RPS27A: variants seen among roughly 807,000 people sequenced by gnomAD.
RPS27A encodes ribosomal protein S27a.
Under a neutral mutation model 18.9 loss-of-function variants are expected in RPS27A, and 1 was observed. That is an observed-to-expected ratio of 0.05 (90% CI 0.02 to 0.25). The LOEUF (loss-of-function observed/expected upper bound fraction) is 0.25, where lower values mean the gene tolerates loss of function less well. RPS27A is among the 10% of genes least tolerant of loss of function. RPS27A has a pLI of 1.00. For missense variants in RPS27A, 123 were observed against 187.4 expected (o/e 0.66, Z 2.01); for synonymous variants, 77 against 63.7 (o/e 1.21, Z -0.99).
chr2:55,234,224 A>G lies in RPS27A; in HGVS notation c.189+20A>G. The G allele has an allele frequency of 6.6e-7, 1 of 1,514,944 alleles. No homozygotes were observed. The highest frequency in any genetic ancestry group is 9.2e-7 in the Non-Finnish European group (1 of 1,089,886). 93.8% of individuals were successfully genotyped at this position (1,514,944 alleles called of 1,614,324 possible). On this transcript the variant is annotated intron_variant, in intron 4 of 5. Coordinates refer to ENST00000272317, the MANE Select transcript of RPS27A (RefSeq NM_002954.6). ...CAAAAGGTCTGTCTAGGGGAAGAGC[A>G]GCCTCTTTTAAAAAAAAAATGTTAT...
At chr2:55,232,896 A>G (rs1309014724) in intron 2 of RPS27A, 24 bp downstream of exon 2, 5 of 1,599,096 alleles carry the variant, frequency 3.1e-6, no homozygotes, top group Non-Finnish European at 1.7e-6. Context: ...GGTCATGAGG[A>G]AGCCAAGGTC....
At position 55,234,818 on chromosome 2, in the gene RPS27A, C is replaced by G. The variant is rs1461720655; in HGVS notation, c.190-13C>G. ...TGGAATCATGAAAGCTTGCTTCATT[C>G]TTCCATTAACAGGAGTCTACTCTTC... On this transcript the variant is annotated splice_polypyrimidine_tract_variant and intron_variant, in intron 4 of 5. Coordinates refer to ENST00000272317, the MANE Select transcript of RPS27A (RefSeq NM_002954.6). The G allele has an allele frequency of 6.2e-7, 1 of 1,611,674 alleles. No homozygotes were observed. Among genetic ancestry groups the G allele is most frequent in the African/African-American group, 1.3e-5 (1 of 74,856 alleles).
At chr2:55,232,961 C>T (rs903906081) in intron 2 of RPS27A, 89 bp downstream of exon 2, 2 of 1,075,316 alleles carry the variant, frequency 1.9e-6, no homozygotes, top group Non-Finnish European at 2.8e-6. Flanking sequence ...ATGTCTTAGA[C>T]CATGATTCCG....
chr2:55,234,674 T>G (rs1428264650), intron 4 of RPS27A, 157 bp from the exon 5 acceptor site: 13 of 804,980 alleles, frequency 1.6e-5, no homozygotes, highest in South Asian at 3.1e-5. Context: ...CTATAAACTG[T>G]CAGTTAAGAA....
intron 5 of RPS27A, chr2:55,235,181 G>C (rs543316126): frequency 1.3e-5 from 9 of 702,340 alleles, no homozygotes; most frequent in African/African-American, 3.6e-5. Flanking sequence ...GTTTAAAGTC[G>C]GGTTTGGGTT....
At chr2:55,232,658 G>A (rs1433906585), upstream of RPS27A, 2 of 716,474 alleles carry the variant, frequency 2.8e-6, no homozygotes, top group African/African-American at 1.8e-5. Context: ...GGAGCTCCGG[G>A]AAACCCCGTG....
Position 55,234,224 on chromosome 2 carries a change from A to C in RPS27A, c.189+20A>C, listed in dbSNP as rs779681156. 6.6e-7 allele frequency: 1 copy of C among 1,514,944 alleles called. No homozygotes were observed. Among genetic ancestry groups the C allele is most frequent in the Non-Finnish European group, 9.2e-7 (1 of 1,089,886 alleles). 93.8% of individuals were successfully genotyped at this position (1,514,944 alleles called of 1,614,324 possible). On this transcript the variant is annotated intron_variant, in intron 4 of 5. Transcript: ENST00000272317. ...CAAAAGGTCTGTCTAGGGGAAGAGC[A>C]GCCTCTTTTAAAAAAAAAATGTTAT...
intron 4 of RPS27A, 105 bp from the exon 5 acceptor site, chr2:55,234,726 A>C (rs78682219): frequency 6.0e-6 from 8 of 1,339,788 alleles, no homozygotes; most frequent in East Asian, 4.7e-5. Flanking sequence ...GATTCCCTCA[A>C]ATGTTATTGT....
upstream of RPS27A, chr2:55,232,606 C>G (rs1675520462): frequency 1.6e-6 from 1 of 608,154 alleles, no homozygotes; most frequent in Non-Finnish European, 3.0e-6. Context: ...GGACGGCAGT[C>G]AGGCATTTGG....
intron 3 of RPS27A, 68 bp downstream of exon 3, chr2:55,233,485 C>A: frequency 9.3e-7 from 1 of 1,072,420 alleles, no homozygotes; most frequent in Non-Finnish European, 1.4e-6. Flanking sequence ...AGGTGCTAGA[C>A]ATACCTGCTC....
chr2:55,233,130 G>T lies in RPS27A; in HGVS notation c.49-233G>T, dbSNP rs578030686. On this transcript the variant is annotated intron_variant, in intron 2 of 5. Coordinates refer to ENST00000272317, the MANE Select transcript of RPS27A (RefSeq NM_002954.6). ...GCTGCGGTGGGGAAGGAGACGCTCT[G>T]CCCGCCGGGTGCGAGCACGTGTGGC... is the stretch of plus-strand genomic sequence containing the variant. 9.4e-6 allele frequency: 6 copies of T among 637,638 alleles called. No individual in the cohort carries two copies. In the East Asian group the frequency reaches 1.4e-4, roughly 14 times the overall value. 39.5% of individuals were successfully genotyped at this position (637,638 alleles called of 1,614,324 possible). A position where few individuals can be genotyped will look rare whatever the true frequency, so the allele number is the denominator to read the frequency against.
At chr2:55,232,937 C>A in intron 2 of RPS27A, 65 bp downstream of exon 2, 2 of 1,299,920 alleles carry the variant, frequency 1.5e-6, no homozygotes, top group South Asian at 1.2e-5. Flanking sequence ...ATTTTAGGAC[C>A]GGCGCTGCTT....
rs768574315 is a variant in RPS27A, at chr2:55,232,715, G to A, written c.-18+7G>A. 1 of 957,958 alleles carries A rather than the reference G, an allele frequency of 1.0e-6. No individual in the cohort carries two copies. Among genetic ancestry groups the A allele is most frequent in the African/African-American group, 1.6e-5 (1 of 62,124 alleles). 59.3% of individuals were successfully genotyped at this position (957,958 alleles called of 1,614,324 possible). On this transcript the variant is annotated splice_region_variant and intron_variant, in intron 1 of 5. Transcript: ENST00000272317. ...TTTCGATCCGCCATCTGCGGTGGGT[G>A]TCTGCACTTCGGCTGCTCTCGGGTT... is the stretch of plus-strand genomic sequence containing the variant.
chr2:55,232,219 C>G (rs1675478968), upstream of RPS27A: 1 of 166,978 alleles, frequency 6.0e-6, no homozygotes, highest in Non-Finnish European at 1.3e-5. Flanking sequence ...CCGCTTCATC[C>G]TACCTCCAGT....
At chr2:55,232,433 C>T (rs1675508673), upstream of RPS27A, 1 of 298,794 alleles carries the variant, frequency 3.3e-6, no homozygotes, top group Non-Finnish European at 6.6e-6. Flanking sequence ...ATTCTCTTAG[C>T]CACGTTGATT....
intron 2 of RPS27A, 172 bp downstream of exon 2, chr2:55,233,044 T>C (rs1159264272): frequency 1.4e-6 from 1 of 705,732 alleles, no homozygotes; most frequent in Non-Finnish European, 2.6e-6. Flanking sequence ...TGATTTTCGG[T>C]GGCCAAAGGC....
rs183844234 is a variant in RPS27A at position 55,232,949 on chromosome 2, C to A, written c.48+77C>A. On this transcript the variant is annotated intron_variant, in intron 2 of 5. Transcript: ENST00000272317. ...TGGATTTTAGGACCGGCGCTGCTTT[C>A]CATGTCTTAGACCATGATTCCGAAT... 6 of 1,190,118 alleles carry A rather than the reference C, an allele frequency of 5.0e-6. No individual in the cohort carries two copies. The Admixed American group carries it at 9.5e-5, about 19-fold the overall frequency. The allele number at this position is 1,190,118 out of a possible 1,614,324, so 73.7% of individuals were successfully genotyped here.
chr2:55,233,232 G>C, intron 2 of RPS27A, 131 bp from the exon 3 acceptor site: 1 of 805,074 alleles, frequency 1.2e-6, no homozygotes, highest in South Asian at 1.4e-5. Context: ...TGCCCACTGG[G>C]TGGGTAATAG....
rs1023983033 is a variant in RPS27A at position 55,235,275 on chromosome 2, C to G, written c.322-153C>G. On this transcript the variant is annotated intron_variant, in intron 5 of 5. Coordinates refer to ENST00000272317, the MANE Select transcript of RPS27A (RefSeq NM_002954.6). ...AGACTTCTGAATGTTTTCATTGTAG[C>G]AATGATAACTGGTGAGAATTTAGGG... 4.6e-6 allele frequency: 4 copies of G among 864,598 alleles called. No homozygotes were observed. The Admixed American group carries it at 7.9e-5, about 17-fold the overall frequency. The allele number at this position is 864,598 out of a possible 1,614,324, so 53.6% of individuals were successfully genotyped here.
Sources: allele counts gnomAD v4.1 joint callset, GRCh38; gene constraint gnomAD v4.1.1; transcripts MANE v1.5; gene names NCBI Gene and HGNC (gene_info 2026-07-23, HGNC 2026-07-21).